Variants in HIPK2 observed in about 807,000 individuals in gnomAD.
HIPK2 encodes the protein homeodomain-interacting protein kinase 2.
Under a neutral mutation model 113.7 loss-of-function variants are expected in HIPK2, and 27 were observed. That is an observed-to-expected ratio of 0.24 (90% CI 0.17 to 0.33). The LOEUF (loss-of-function observed/expected upper bound fraction) is 0.33, where lower values mean the gene tolerates loss of function less well. Among genes scored for constraint, HIPK2 ranks in the 10% least tolerant of loss-of-function variants. The pLI, the probability that HIPK2 is intolerant of heterozygous loss-of-function variation, is 1.00. For missense variants in HIPK2, 1,257 were observed against 1,588.0 expected (o/e 0.79, Z 3.54); for synonymous variants, 631 against 642.2 (o/e 0.98, Z 0.26).
At chr7:139,697,099 G>A (rs971720362) in intron 2 of HIPK2, among the ~76,000 whole-genome samples, 20 of 152,000 alleles carry the variant, frequency 1.3e-4, no homozygotes, top group East Asian at 1.2e-3. Context: ...TCCCCCTTTC[G>A]CCTCCTCCCC....
At chr7:139,659,954 C>T (rs957522245) in intron 2 of HIPK2, among the ~76,000 whole-genome samples, 1 of 152,234 alleles carries the variant, frequency 6.6e-6, no homozygotes, top group Non-Finnish European at 1.5e-5. Flanking sequence ...AATGCAACAC[C>T]TATACTTCAG....
intron 2 of HIPK2, among the ~76,000 whole-genome samples, chr7:139,704,122 A>C (rs1794809437): frequency 8.8e-6 from 1 of 113,790 alleles, no homozygotes; most frequent in Non-Finnish European, 1.8e-5. Flanking sequence ...AACACACACC[A>C]CACACACACC....
chr7:139,732,633 C>T (rs1186312755), intron 1 of HIPK2, among the ~76,000 whole-genome samples: 1 of 151,598 alleles, frequency 6.6e-6, no homozygotes, highest in African/African-American at 2.4e-5. Flanking sequence ...CTTTCTAGCT[C>T]TGTGATCTCA....
intron 1 of HIPK2, among the ~76,000 whole-genome samples, chr7:139,758,167 A>G (rs1009086763): frequency 2.0e-5 from 3 of 152,244 alleles, no homozygotes; most frequent in Non-Finnish European, 2.9e-5. Flanking sequence ...TTCATATGGA[A>G]TAACAAACAT....
In HIPK2 at chr7:139,583,885, G is replaced by C; in HGVS notation, c.2897C>G (p.Thr966Ser). The C allele has an allele frequency of 6.2e-7, 1 of 1,613,832 alleles. No individual in the cohort carries two copies. Among genetic ancestry groups the C allele is most frequent in the Non-Finnish European group, 8.5e-7 (1 of 1,179,838 alleles). ...LENHCTGNPR[T>S]IIVPPLKTQA... ...GGTTTTCAGGGGTGGCACGATGATG[G>C]TTCGGGGGTTCCCCGTGCAGTGATT... is the stretch of plus-strand genomic sequence containing the variant. Residue 966 changes from threonine (T) to serine (S), a missense_variant, in exon 13 of 15, where the codon ACC becomes AGC. Around this residue, in one of 5 missense-constraint regions of HIPK2, gnomAD observed 862 missense variants for 1,004.3 expected, o/e 0.86. Coordinates refer to ENST00000406875, the MANE Select transcript of HIPK2 (RefSeq NM_022740.5).
At chr7:139,681,972 C>T (rs1802716273) in intron 2 of HIPK2, among the ~76,000 whole-genome samples, 1 of 152,182 alleles carries the variant, frequency 6.6e-6, no homozygotes, top group Non-Finnish European at 1.5e-5. Flanking sequence ...GGGCAGGCAT[C>T]ACAGTGGAGC....
At chr7:139,599,326 C>T (rs1377109271) in intron 11 of HIPK2, among the ~76,000 whole-genome samples, 2 of 152,176 alleles carry the variant, frequency 1.3e-5, no homozygotes, top group South Asian at 4.1e-4. Context: ...TTGACAAATG[C>T]ACAGTCATAA....
At position 139,670,512 on chromosome 7, in the gene HIPK2, C is replaced by T. The variant is rs535594468; in HGVS notation, c.1104-38787G>A. ...AGGAGGATTGCTTGAGCCTAGGAGA[C>T]TGAGGTTGCAGTGAGCCATGATTGC... On this transcript the variant is annotated intron_variant, in intron 2 of 14. Transcript: ENST00000406875. Among the ~76,000 whole-genome samples the T allele has an allele frequency of 6.6e-5, 10 of 150,768 alleles. 1 individual carries two copies. The South Asian group carries it at 2.1e-3, about 31-fold the overall frequency.
intron 2 of HIPK2, among the ~76,000 whole-genome samples, chr7:139,650,349 CAA>C (rs35368461): frequency 0.28 from 28,315 of 100,378 alleles, 3,232 homozygotes; most frequent in Non-Finnish European, 0.37. Context: ...GACTCCATCT[CAA>C]AAAAAAAAAA....
chr7:139,730,079 T>C (rs1035360398), intron 1 of HIPK2, among the ~76,000 whole-genome samples: 2 of 152,228 alleles, frequency 1.3e-5, no homozygotes, highest in South Asian at 4.1e-4. Context: ...TTAGAAATGT[T>C]TGGTAAAGTC....
intron 12 of HIPK2, 169 bp from the exon 13 acceptor site, chr7:139,584,233 G>A: frequency 2.6e-6 from 1 of 386,646 alleles, no homozygotes; most frequent in Non-Finnish European, 3.5e-6. Context: ...AAAGTCCCCT[G>A]TGTAGCCGGC....
In HIPK2 at chr7:139,614,383, G is replaced by C; in HGVS notation, c.1893C>G (p.Ala631=). ...QPSAASMAAV[A]QRSMPLQTGT... ...CTGTCTGCAGGGGCATGCTCCGCTG[G>C]GCCACTGCAGCCATGGATGCCGCTG... Residue 631 remains alanine (A), a synonymous_variant, in exon 8 of 15, where the codon GCC becomes GCG. Transcript: ENST00000406875. 2 of 1,582,306 alleles carry C rather than the reference G, an allele frequency of 1.3e-6. No homozygotes were observed. The highest frequency in any genetic ancestry group is 1.7e-6 in the Non-Finnish European group (2 of 1,159,724).
chr7:139,668,932 G>C (rs930754201), intron 2 of HIPK2, among the ~76,000 whole-genome samples: 12 of 152,164 alleles, frequency 7.9e-5, no homozygotes, highest in African/African-American at 2.7e-4. Flanking sequence ...CCTTTCAAAT[G>C]TCAAGATATT....
chr7:139,742,417 G>A (rs1311770178), intron 1 of HIPK2, among the ~76,000 whole-genome samples: 3 of 152,184 alleles, frequency 2.0e-5, no homozygotes, highest in Non-Finnish European at 4.4e-5. Context: ...ACTTCTCAGA[G>A]GCTTTAATAT....
chr7:139,632,519 T>C (rs1046353920), intron 2 of HIPK2, among the ~76,000 whole-genome samples: 6 of 152,186 alleles, frequency 3.9e-5, no homozygotes, highest in Admixed American at 3.9e-4. Flanking sequence ...TAGAACCCCA[T>C]TCATGAATAC....
chr7:139,776,106 T>A (rs1011031406), intron 1 of HIPK2, among the ~76,000 whole-genome samples: 1 of 152,196 alleles, frequency 6.6e-6, no homozygotes, highest in Non-Finnish European at 1.5e-5. Flanking sequence ...CGACATGGGT[T>A]CTCCCGCATG....
chr7:139,749,196 A>G (rs12674180), intron 1 of HIPK2, among the ~76,000 whole-genome samples: 10,506 of 152,318 alleles, frequency 0.069, 646 homozygotes, highest in Admixed American at 0.19. Context: ...AGACTCCTTA[A>G]CATACTGCTG....
Position 139,777,683 on chromosome 7 carries a change from G to GC in HIPK2, c.-61dup, listed in dbSNP as rs1001496294. 3.2e-5 allele frequency: 34 copies of GC among 1,057,586 alleles called. No individual in the cohort carries two copies. The highest frequency in any genetic ancestry group is 2.6e-4 in the Middle Eastern group (1 of 3,776). 65.5% of individuals were successfully genotyped at this position (1,057,586 alleles called of 1,614,324 possible). On this transcript the variant is annotated 5_prime_UTR_variant, in exon 1 of 15. It removes the in-frame stop codon of an upstream open reading frame in the 5' UTR. Coordinates refer to ENST00000406875, the MANE Select transcript of HIPK2 (RefSeq NM_022740.5). Reference sequence around the variant, plus strand: ...GACGGGAAAGCGGCGCGCGAGCTCGGCCCCCCCAGCCTCAGTCGGAATCTG... The same window carrying GC: ...GACGGGAAAGCGGCGCGCGAGCTCGGCCCCCCCCAGCCTCAGTCGGAATCTG...
At chr7:139,574,122 G>A (rs76423881) in intron 14 of HIPK2, among the ~76,000 whole-genome samples, 8 of 152,168 alleles carry the variant, frequency 5.3e-5, no homozygotes, top group African/African-American at 1.9e-4. Flanking sequence ...CACCGCACCC[G>A]GCCAGGACAC....
Sources: gnomAD v4.1 joint callset for allele counts (sites outside exome capture counted in the v4.1 genomes callset) on GRCh38, gnomAD v4.1.1 for gene constraint, gnomAD v4.1.1 regional missense constraint, MANE v1.5 for transcripts, NCBI Gene and HGNC (gene_info 2026-07-23, HGNC 2026-07-21) for gene names.